Variants in SHISAL1 observed in about 807,000 individuals in gnomAD.
SHISAL1 encodes shisa like 1.
SHISAL1 carries 9 observed loss-of-function variants against 22.6 expected under a neutral mutation model. That is an observed-to-expected ratio of 0.40 (90% CI 0.24 to 0.70). The LOEUF (loss-of-function observed/expected upper bound fraction) is 0.70. Ranked by LOEUF, SHISAL1 falls within the 30% of genes least tolerant of loss-of-function variation. The probability of loss-of-function intolerance (pLI) is 0.39; values close to 1 mark genes in which losing one functional copy is unlikely to be tolerated. For synonymous variants in SHISAL1, 119 were observed against 115.4 expected, an observed-to-expected ratio of 1.03 and a Z score of -0.20; for missense variants, 246 against 270.6, an observed-to-expected ratio of 0.91 and a Z score of 0.64.
At position 44,288,008 on chromosome 22, in the gene SHISAL1, G is replaced by T. The variant is rs187205308; in HGVS notation, c.282-2263C>A. Among the ~76,000 whole-genome samples the T allele has an allele frequency of 3.2e-3, 486 of 152,334 alleles. 2 individuals are homozygous for T. The highest frequency in any genetic ancestry group is 0.011 in the African/African-American group (465 of 41,578). On this transcript the variant is annotated intron_variant, in intron 3 of 4. Transcript: ENST00000381176. ...CAGAAGGGGTCCAGGATGCCAGCTG[G>T]GGGTGTGGCTGGGCCACAGGCTGGG...
chr22:44,261,077 T>TATATATATA (rs1555925738), intron 4 of SHISAL1, among the ~76,000 whole-genome samples: 5 of 108,738 alleles, frequency 4.6e-5, no homozygotes, highest in African/African-American at 1.1e-4. Flanking sequence ...CTTCATTACT[T>TATATATATA]TATATATATA....
rs1393969495 is a variant in SHISAL1 at position 44,310,570 on chromosome 22, A to C, written c.-33+2181T>G. 2.6e-5 allele frequency among the ~76,000 whole-genome samples: 4 copies of C among 152,136 alleles called. No individual in the cohort carries two copies. The highest frequency in any genetic ancestry group is 6.5e-5 in the Admixed American group (1 of 15,274). The stretch of plus-strand genomic sequence containing the variant: ...TGCCCCACACCTTGCAGGTATACCA[A>C]ACATAGAAAGGACCAGAAGCTAGCA... On this transcript the variant is annotated intron_variant, in intron 1 of 4. Coordinates refer to ENST00000381176, the MANE Select transcript of SHISAL1 (RefSeq NM_001099294.2). The surrounding 1 kb of genome is among the most constrained non-coding windows in gnomAD (Gnocchi z 4.0).
chr22:44,268,732 G>C (rs1319693179), intron 4 of SHISAL1, among the ~76,000 whole-genome samples: 2 of 152,194 alleles, frequency 1.3e-5, no homozygotes, highest in African/African-American at 4.8e-5. Context: ...GAATGAGGAG[G>C]AGCTCGCCAA....
intron 1 of SHISAL1, among the ~76,000 whole-genome samples, chr22:44,311,078 T>C (rs1383443622): frequency 2.1e-5 from 3 of 146,076 alleles, no homozygotes; most frequent in Non-Finnish European, 4.5e-5. Context: ...CCACCGGGAG[T>C]GACCTTGGGC....
chr22:44,272,451 G>A (rs772063299), intron 4 of SHISAL1, among the ~76,000 whole-genome samples: 5 of 152,188 alleles, frequency 3.3e-5, no homozygotes, highest in Non-Finnish European at 7.3e-5. Flanking sequence ...CACTTAACAC[G>A]GGGCATGGCC....
chr22:44,305,421 C>A (rs2055463529), intron 1 of SHISAL1, among the ~76,000 whole-genome samples: 1 of 152,236 alleles, frequency 6.6e-6, no homozygotes, highest in African/African-American at 2.4e-5. Context: ...AGCCCCCGAT[C>A]TGCCTTCGCA....
At chr22:44,269,635 T>TGCCACAAACAACACACACAC (rs2055192577) in intron 4 of SHISAL1, among the ~76,000 whole-genome samples, 2 of 146,818 alleles carry the variant, frequency 1.4e-5, no homozygotes, top group African/African-American at 5.2e-5. Context: ...TACACACACA[T>TGCCACAAACAACACACACAC]GCCACAAACA....
chr22:44,286,308 G>T (rs571368153), intron 3 of SHISAL1, among the ~76,000 whole-genome samples: 1 of 152,128 alleles, frequency 6.6e-6, no homozygotes, highest in Non-Finnish European at 1.5e-5. Flanking sequence ...CACTCAACAC[G>T]ACCAGGCTGT....
intron 1 of SHISAL1, among the ~76,000 whole-genome samples, chr22:44,305,687 C>T (rs192828208): frequency 6.6e-5 from 10 of 152,350 alleles, no homozygotes; most frequent in East Asian, 5.8e-4. Flanking sequence ...TGCCACAGCA[C>T]GCTGTGGTTG....
Position 44,296,704 on chromosome 22 carries a change from G to T in SHISAL1, c.249C>A (p.Asn83Lys), listed in dbSNP as rs774564154. Residue 83 changes from asparagine to lysine, a missense_variant, in exon 3 of 5, where the codon AAC becomes AAA. Asn to Lys is a moderately conservative substitution (Grantham distance 94). Around this residue, in one of 2 missense-constraint regions of SHISAL1, gnomAD observed 110 missense variants for 153.1 expected, o/e 0.72. Coordinates refer to ENST00000381176, the MANE Select transcript of SHISAL1 (RefSeq NM_001099294.2). ...TGTAACCCTCGGAGCTGGCCGTGAG[G>T]TTCGCCTGCATCACCGCCTGGAACT... ...ETEFQAVMQA[N>K]LTASSEGYMH... is the part of the protein sequence containing the mutation. The T allele has an allele frequency of 5.0e-6, 8 of 1,613,982 alleles. No individual in the cohort carries two copies. The highest frequency in any genetic ancestry group is 1.7e-5 in the Admixed American group (1 of 60,034).
At chr22:44,305,841 C>G (rs951173309) in intron 1 of SHISAL1, among the ~76,000 whole-genome samples, 1 of 152,164 alleles carries the variant, frequency 6.6e-6, no homozygotes, top group Non-Finnish European at 1.5e-5. Context: ...ACAAAAGCCC[C>G]AGGGGCGTGT....
At chr22:44,258,038 G>T (rs2147270647) in intron 4 of SHISAL1, among the ~76,000 whole-genome samples, 1 of 152,362 alleles carries the variant, frequency 6.6e-6, no homozygotes, top group South Asian at 2.1e-4. Context: ...TACTCGGGAG[G>T]CTGAGGCAGG....
At chr22:44,263,350 C>A (rs1043216114) in intron 4 of SHISAL1, among the ~76,000 whole-genome samples, 2 of 152,100 alleles carry the variant, frequency 1.3e-5, no homozygotes, top group Non-Finnish European at 2.9e-5. Context: ...GGATTACAGG[C>A]GTGAGCCACT....
intron 4 of SHISAL1, among the ~76,000 whole-genome samples, chr22:44,278,636 G>C (rs1356280401): frequency 6.6e-6 from 1 of 152,172 alleles, no homozygotes; most frequent in Non-Finnish European, 1.5e-5. Flanking sequence ...ATGCCCCCCT[G>C]AACCTTTGGG....
At chr22:44,255,663 C>A (rs1378287606) in intron 4 of SHISAL1, among the ~76,000 whole-genome samples, 1 of 152,216 alleles carries the variant, frequency 6.6e-6, no homozygotes, top group Non-Finnish European at 1.5e-5. Flanking sequence ...GCTCTCAACA[C>A]AGCAGCCAGA....
At chr22:44,280,551 G>A (rs1482958254) in intron 4 of SHISAL1, among the ~76,000 whole-genome samples, 1 of 152,206 alleles carries the variant, frequency 6.6e-6, no homozygotes, top group East Asian at 1.9e-4. Flanking sequence ...CTTACAGGGT[G>A]TTGAACAGCA....
In SHISAL1 at chr22:44,246,595, C is replaced by T. The variant is rs2055003270; in HGVS notation, c.*3090G>A. 6.6e-6 allele frequency: 1 copy of T among 152,386 alleles called. No individual in the cohort carries two copies. The highest frequency in any genetic ancestry group is 1.5e-5 in the Non-Finnish European group (1 of 68,224). 9.4% of individuals were successfully genotyped at this position (152,386 alleles called of 1,614,324 possible). Reference sequence around the variant, plus strand: ...AGCAGGATGGGGACAGTGTTTATCACAATGACCTGGGGACCCATGGCATTT... The same window carrying T: ...AGCAGGATGGGGACAGTGTTTATCATAATGACCTGGGGACCCATGGCATTT... On this transcript the variant is annotated 3_prime_UTR_variant, in exon 5 of 5. Transcript: ENST00000381176.
In SHISAL1 at chr22:44,243,913, C is replaced by T. The variant is rs1207408997; in HGVS notation, c.*5772G>A. ...GAGAAAATATTTCCATCCCCCTACC[C>T]CTGCGCTGCATGCCCTTGTCCAGCT... is the stretch of plus-strand genomic sequence containing the variant. On this transcript the variant is annotated 3_prime_UTR_variant, in exon 5 of 5. Coordinates refer to ENST00000381176, the MANE Select transcript of SHISAL1 (RefSeq NM_001099294.2). 1.3e-5 allele frequency: 2 copies of T among 152,208 alleles called. No homozygotes were observed. The highest frequency in any genetic ancestry group is 4.8e-5 in the African/African-American group (2 of 41,428). 9.4% of individuals were successfully genotyped at this position (152,208 alleles called of 1,614,324 possible).
At chr22:44,252,971 G>C (rs1263432312) in intron 4 of SHISAL1, among the ~76,000 whole-genome samples, 1 of 151,782 alleles carries the variant, frequency 6.6e-6, no homozygotes, top group African/African-American at 2.4e-5. Flanking sequence ...ACTCCAGCCT[G>C]GGTGACAGAG....
Sources: allele counts gnomAD v4.1 joint callset (sites outside exome capture counted in the v4.1 genomes callset), GRCh38; gene constraint gnomAD v4.1.1; regional missense constraint gnomAD v4.1.1; non-coding constraint Gnocchi (gnomAD v3.1); transcripts MANE v1.5; gene names NCBI Gene and HGNC (gene_info 2026-07-23, HGNC 2026-07-21).